CIB1: variants seen among roughly 807,000 people sequenced by gnomAD.
CIB1 encodes the protein calcium and integrin-binding protein 1.
In CIB1, 19 loss-of-function variants were observed where a neutral mutation model predicts 25.0. The ratio of observed to expected loss-of-function variants is 0.76; its 90% CI spans 0.53 to 1.12. The LOEUF (loss-of-function observed/expected upper bound fraction) is 1.12. CIB1 is among the 50% of genes most tolerant of loss of function. The pLI, the probability that CIB1 is intolerant of heterozygous loss-of-function variation, is 0.00. For synonymous variants in CIB1, 104 were observed against 98.5 expected (o/e 1.06, Z -0.33); for missense variants, 236 against 242.6 (o/e 0.97, Z 0.18).
At chr15:90,253,742 A>G in the CIB1 span, among the ~76,000 whole-genome samples, 1 of 152,212 alleles carries the variant, frequency 6.6e-6, no homozygotes, top group Non-Finnish European at 1.5e-5. Flanking sequence ...TTAGTTTAGC[A>G]TTCCACATCC....
At chr15:90,262,411 C>T in the CIB1 span, 32 of 1,379,444 alleles carry the variant, frequency 2.3e-5, no homozygotes, top group Non-Finnish European at 2.8e-5. Context: ...ATTTCCTGCT[C>T]TTTCCTCATC....
chr15:90,262,827 G>C, the CIB1 span: 1 of 1,238,556 alleles, frequency 8.1e-7, no homozygotes, highest in Non-Finnish European at 1.1e-6. Context: ...GATGAAGTGA[G>C]AGAATGGACA....
the CIB1 span, chr15:90,258,034 G>A: frequency 3.0e-5 from 48 of 1,613,398 alleles, no homozygotes; most frequent in Admixed American, 7.0e-4. Context: ...ACTGGGCCTC[G>A]CAGGAAGCTG....
At chr15:90,257,379 C>T in the CIB1 span, 16 of 1,483,228 alleles carry the variant, frequency 1.1e-5, no homozygotes, top group Non-Finnish European at 1.4e-5. Flanking sequence ...CACCAAAGAA[C>T]AAGGAATGAA....
At chr15:90,232,623 T>C (rs1021867494) in intron 2 of CIB1, among the ~76,000 whole-genome samples, 4 of 152,112 alleles carry the variant, frequency 2.6e-5, no homozygotes, top group African/African-American at 9.7e-5. Context: ...CCCTAAAGAA[T>C]TGGCCAGGCA....
upstream of CIB1, among the ~76,000 whole-genome samples, chr15:90,235,010 G>A (rs1962602461): frequency 6.6e-6 from 1 of 152,152 alleles, no homozygotes; most frequent in Non-Finnish European, 1.5e-5. Context: ...CTAAATCTGA[G>A]TATGTTAGTC....
chr15:90,251,034 G>C, the CIB1 span: 5 of 1,099,200 alleles, frequency 4.5e-6, no homozygotes, highest in East Asian at 2.6e-5. Context: ...TTAACCCTTT[G>C]ATACAACAGA....
At chr15:90,240,889 G>C in the CIB1 span, 67 of 1,564,878 alleles carry the variant, frequency 4.3e-5, no homozygotes, top group Non-Finnish European at 5.9e-5. Context: ...CATCTTTTAT[G>C]ACTATTTCAG....
chr15:90,263,262 G>A, the CIB1 span: 1 of 958,938 alleles, frequency 1.0e-6, no homozygotes, highest in Non-Finnish European at 1.5e-6. Context: ...TGGAGCCTGG[G>A]AAAGCAGAGT....
the CIB1 span, among the ~76,000 whole-genome samples, chr15:90,255,476 C>T: frequency 6.6e-6 from 1 of 152,186 alleles, no homozygotes; most frequent in Non-Finnish European, 1.5e-5. Flanking sequence ...AGAAGGTGGA[C>T]TGTGGAAGCC....
the CIB1 span, chr15:90,258,200 A>C: frequency 3.7e-6 from 6 of 1,614,236 alleles, no homozygotes; most frequent in South Asian, 1.1e-5. Context: ...ATGGAGGTAC[A>C]TGTGCCTGTT....
chr15:90,230,630 C>T, intron 6 of CIB1, 125 bp from the exon 7 acceptor site: 1 of 1,013,874 alleles, frequency 9.9e-7, no homozygotes, highest in Non-Finnish European at 1.5e-6. Flanking sequence ...TCAGCCCCCT[C>T]TGCAAGAACT....
At chr15:90,233,642 G>A (rs1440429393) in intron 2 of CIB1, 27 bp downstream of exon 2, 1 of 1,567,722 alleles carries the variant, frequency 6.4e-7, no homozygotes, top group South Asian at 1.2e-5. Context: ...TCCCGGGGTC[G>A]GAGGCAGGGT....
the CIB1 span, chr15:90,241,070 G>A: frequency 6.2e-7 from 1 of 1,614,198 alleles, no homozygotes; most frequent in East Asian, 2.2e-5. Flanking sequence ...CAGATGCTCT[G>A]CCACAATCTC....
the CIB1 span, among the ~76,000 whole-genome samples, chr15:90,255,522 C>T: frequency 6.6e-6 from 1 of 152,112 alleles, no homozygotes. Context: ...CTCACTGCCC[C>T]TCATTTGCTG....
the CIB1 span, chr15:90,241,331 G>C: frequency 1.9e-6 from 3 of 1,614,234 alleles, no homozygotes; most frequent in Non-Finnish European, 2.5e-6. Flanking sequence ...TGCACCGGGA[G>C]CCTGATCTCC....
At chr15:90,237,505 C>T (rs148826632), upstream of CIB1, among the ~76,000 whole-genome samples, 1,158 of 152,026 alleles carry the variant, frequency 7.6e-3, 8 homozygotes, top group Non-Finnish European at 0.012. Context: ...AGGATGGTCT[C>T]GGTATCTTGA....
the CIB1 span, chr15:90,258,621 C>T: frequency 7.1e-6 from 6 of 844,054 alleles, no homozygotes; most frequent in Non-Finnish European, 1.1e-5. Context: ...GCCAGAGCAT[C>T]CAGCCTCCCC....
At chr15:90,264,119 G>A in the CIB1 span, 1 of 1,024,330 alleles carries the variant, frequency 9.8e-7, no homozygotes, top group South Asian at 1.5e-5. Flanking sequence ...AGCAAGCATA[G>A]AGCTTGGATG....
Sources: allele counts gnomAD v4.1 joint callset (sites outside exome capture counted in the v4.1 genomes callset), GRCh38; gene constraint gnomAD v4.1.1; transcripts MANE v1.5; gene names NCBI Gene and HGNC (gene_info 2026-07-23, HGNC 2026-07-21).